Variants in SZT2 observed in about 807,000 individuals in gnomAD.
SZT2 encodes the protein SZT2 subunit of KICSTOR complex.
A neutral mutation model predicts 404.2 loss-of-function variants in SZT2; 216 were observed. That is an observed-to-expected ratio of 0.53 (90% CI 0.48 to 0.60). The LOEUF (loss-of-function observed/expected upper bound fraction) is 0.60, where lower values mean the gene tolerates loss of function less well. SZT2 is among the 20% of genes least tolerant of loss of function. The probability of loss-of-function intolerance (pLI) is 0.00; values close to 1 mark genes in which losing one functional copy is unlikely to be tolerated. For synonymous variants in SZT2, 1,693 were observed against 1,749.9 expected, an observed-to-expected ratio of 0.97 and a Z score of 0.81; for missense variants, 3,857 against 4,459.2, an observed-to-expected ratio of 0.86 and a Z score of 3.85.
rs1161800827 is a variant in SZT2, at chr1:43,441,754, G to A, written c.7678G>A (p.Glu2560Lys). 4 of 1,614,204 alleles carry A rather than the reference G, an allele frequency of 2.5e-6. No individual in the cohort carries two copies. Among genetic ancestry groups the A allele is most frequent in the Non-Finnish European group, 3.4e-6 (4 of 1,180,046 alleles). ...SRFLLPSILS[E>K]FTALVTSMAG... is the part of the protein sequence containing the mutation. ...GTTCCTCCTTCCATCCATCCTGTCTGAGTTCACCGCACTGGTCACCTCAAT... is the reference window on the plus strand; with the variant it reads ...GTTCCTCCTTCCATCCATCCTGTCTAAGTTCACCGCACTGGTCACCTCAAT... Residue 2560 changes from glutamate (E) to lysine (K), a missense_variant, in exon 55 of 72, where the codon GAG becomes AAG. This residue lies in a region of SZT2 where 573 missense variants were observed against 592.4 expected (regional missense o/e 0.97). Coordinates refer to ENST00000634258, the MANE Select transcript of SZT2 (RefSeq NM_001365999.1). The surrounding 1 kb of genome is among the most constrained non-coding windows in gnomAD (Gnocchi z 4.8).
Position 43,437,160 on chromosome 1 carries a change from C to A in SZT2, c.6035-11C>A. 1 of 1,613,988 alleles carries A rather than the reference C, an allele frequency of 6.2e-7. No homozygotes were observed. The highest frequency in any genetic ancestry group is 8.5e-7 in the Non-Finnish European group (1 of 1,179,930). ...GTGTCCCATTTCTAATCCCTGCTCC[C>A]CCTCACCCAGATTATGCTGCTGATG... On this transcript the variant is annotated splice_polypyrimidine_tract_variant and intron_variant, in intron 42 of 71. Transcript: ENST00000634258. The surrounding 1 kb of genome is among the most constrained non-coding windows in gnomAD (Gnocchi z 5.3).
intron 1 of SZT2, among the ~76,000 whole-genome samples, chr1:43,397,097 G>C (rs753310502): frequency 1.3e-5 from 2 of 152,158 alleles, no homozygotes; most frequent in Non-Finnish European, 2.9e-5. Context: ...AGAACACTTA[G>C]TATGTCTTGG....
intron 1 of SZT2, among the ~76,000 whole-genome samples, chr1:43,400,614 G>A (rs770075243): frequency 1.3e-5 from 2 of 152,204 alleles, no homozygotes; most frequent in Non-Finnish European, 2.9e-5. Flanking sequence ...GCTCACGCCT[G>A]TAATCCCAGC....
At position 43,453,297 on chromosome 1, in the gene SZT2, C is replaced by A. The variant is rs910061927; in HGVS notation, c.*2817C>A. The A allele has an allele frequency of 4.7e-6, 4 of 851,602 alleles. No individual in the cohort carries two copies. In the South Asian group the frequency reaches 5.1e-5, roughly 11 times the overall value. The allele number at this position is 851,602 out of a possible 1,614,324, so 52.8% of individuals were successfully genotyped here. A position where few individuals can be genotyped will look rare whatever the true frequency, so the allele number is the denominator to read the frequency against. On this transcript the variant is annotated 3_prime_UTR_variant, in exon 72 of 72. Coordinates refer to ENST00000634258, the MANE Select transcript of SZT2 (RefSeq NM_001365999.1). ...GAGATAAACCAGTGGGCTCAGACTTCTGAGCGTCTCAGATCTGGCGTCCTC... is the reference window on the plus strand; with the variant it reads ...GAGATAAACCAGTGGGCTCAGACTTATGAGCGTCTCAGATCTGGCGTCCTC...
At position 43,451,429 on chromosome 1, in the gene SZT2, G is replaced by A; in HGVS notation, c.*949G>A. On this transcript the variant is annotated 3_prime_UTR_variant, in exon 72 of 72. Coordinates refer to ENST00000634258, the MANE Select transcript of SZT2 (RefSeq NM_001365999.1). ...CCTCACCTCGAGGCTGATACTCACA[G>A]CCCACGAAGCCTTTGTAGCCTTCAT... 6.2e-7 allele frequency: 1 copy of A among 1,613,410 alleles called. No homozygotes were observed. The highest frequency in any genetic ancestry group is 8.5e-7 in the Non-Finnish European group (1 of 1,180,018).
chr1:43,397,107 G>A (rs1476277431), intron 1 of SZT2, among the ~76,000 whole-genome samples: 10 of 152,092 alleles, frequency 6.6e-5, no homozygotes, highest in Non-Finnish European at 1.3e-4. Flanking sequence ...GTATGTCTTG[G>A]CACTGTGCTA....
chr1:43,403,363 G>C, intron 2 of SZT2, 61 bp downstream of exon 2: 2 of 1,575,846 alleles, frequency 1.3e-6, no homozygotes, highest in Non-Finnish European at 1.7e-6. Context: ...TTTTTTAGGA[G>C]AGTGCTAGAA....
At position 43,439,997 on chromosome 1, in the gene SZT2, A is replaced by G. The variant is rs544913020; in HGVS notation, c.7159A>G (p.Ile2387Val). 2 of 1,614,178 alleles carry G rather than the reference A, an allele frequency of 1.2e-6. No individual in the cohort carries two copies. The highest frequency in any genetic ancestry group is 2.2e-5 in the East Asian group (1 of 44,890). Reference sequence around the variant, plus strand: ...TCGCCAGGCCCTGGCCGATGCCATCATCGAGCTTCAGCTGCTGCCAGCTTC... The same window carrying G: ...TCGCCAGGCCCTGGCCGATGCCATCGTCGAGCTTCAGCTGCTGCCAGCTTC... ...AARQALADAI[I>V]ELQLLPASLC... is the part of the protein sequence containing the mutation. Residue 2387 changes from isoleucine to valine, a missense_variant, in exon 51 of 72, where the codon ATC (isoleucine) becomes GTC (valine). This residue lies in a region of SZT2 where 573 missense variants were observed against 592.4 expected (regional missense o/e 0.97). Transcript: ENST00000634258. The surrounding 1 kb of genome is among the most constrained non-coding windows in gnomAD (Gnocchi z 4.2).
At position 43,437,161 on chromosome 1, in the gene SZT2, C is replaced by G; in HGVS notation, c.6035-10C>G. 6.2e-7 allele frequency: 1 copy of G among 1,614,014 alleles called. No homozygotes were observed. The highest frequency in any genetic ancestry group is 8.5e-7 in the Non-Finnish European group (1 of 1,179,956). ...TGTCCCATTTCTAATCCCTGCTCCCCCTCACCCAGATTATGCTGCTGATGA... is the reference window on the plus strand; with the variant it reads ...TGTCCCATTTCTAATCCCTGCTCCCGCTCACCCAGATTATGCTGCTGATGA... On this transcript the variant is annotated splice_polypyrimidine_tract_variant and intron_variant, in intron 42 of 71. Transcript: ENST00000634258. This position sits in a 1 kb window ranked among gnomAD's most constrained non-coding sequence, Gnocchi z 5.3.
Position 43,427,686 on chromosome 1 carries a change from A to G in SZT2, c.3755A>G (p.Gln1252Arg), listed in dbSNP as rs750743832. 5.6e-6 allele frequency: 9 copies of G among 1,614,022 alleles called. No homozygotes were observed. The South Asian group carries it at 9.9e-5, about 18-fold the overall frequency. Residue 1252 changes from glutamine (Q) to arginine (R), a missense_variant, in exon 26 of 72, where the codon CAA becomes CGA. Coordinates refer to ENST00000634258, the MANE Select transcript of SZT2 (RefSeq NM_001365999.1). Reference sequence around the variant, plus strand: ...TGTTCACTGGAAGCGCTGAGGGAACAAATGGTTGGCATGCAGCCCCCTCAG... The same window carrying G: ...TGTTCACTGGAAGCGCTGAGGGAACGAATGGTTGGCATGCAGCCCCCTCAG... ...YSCSLEALRE[Q>R]MVGMQPPQAP...
At position 43,426,643 on chromosome 1, in the gene SZT2, C is replaced by G. The variant is rs918565236; in HGVS notation, c.3215-72C>G. The G allele has an allele frequency of 1.1e-5, 17 of 1,518,710 alleles. No homozygotes were observed. Among genetic ancestry groups the G allele is most frequent in the African/African-American group, 6.9e-5 (5 of 72,498 alleles). The allele number at this position is 1,518,710 out of a possible 1,614,324, so 94.1% of individuals were successfully genotyped here. On this transcript the variant is annotated intron_variant, in intron 22 of 71. Transcript: ENST00000634258. The surrounding 1 kb of genome is among the most constrained non-coding windows in gnomAD (Gnocchi z 4.9). ...GAGTTTTGGCTTTCCCCTTCCTCCC[C>G]CTTTCTTCAACCCAGAGTCCCGCCT...
intron 1 of SZT2, among the ~76,000 whole-genome samples, chr1:43,392,414 CTT>C (rs1287158167): frequency 2.2e-4 from 29 of 133,196 alleles, no homozygotes; most frequent in Middle Eastern, 4.0e-3. Flanking sequence ...AAAAGTTAAG[CTT>C]TTTTTTTTTT....
chr1:43,437,905 A>G lies in SZT2; in HGVS notation c.6508+3A>G. 1 of 1,614,110 alleles carries G rather than the reference A, an allele frequency of 6.2e-7. No homozygotes were observed. The highest frequency in any genetic ancestry group is 2.2e-5 in the East Asian group (1 of 44,878). On this transcript the variant is annotated splice_donor_region_variant and intron_variant, in intron 46 of 71. Transcript: ENST00000634258. The surrounding 1 kb of genome is among the most constrained non-coding windows in gnomAD (Gnocchi z 5.3). ...GGTCCATGGTGTTGGGCAGGCAGGT[A>G]AGGTCTGAGGAGGGGGTAGGGGAGT...
chr1:43,403,593 AT>A lies in SZT2; in HGVS notation c.154-4del, dbSNP rs1308777301. ...ATCCTTTCCTTTTCTTTCCATCCTA[AT>A]TTTCAGCTTCAGTCTGAACAGGAAT... On this transcript the variant is annotated splice_region_variant and splice_polypyrimidine_tract_variant and intron_variant, in intron 2 of 71. Coordinates refer to ENST00000634258, the MANE Select transcript of SZT2 (RefSeq NM_001365999.1). The A allele has an allele frequency of 1.2e-6, 2 of 1,604,614 alleles. No individual in the cohort carries two copies. Among genetic ancestry groups the A allele is most frequent in the South Asian group, 2.2e-5 (2 of 90,942 alleles).
At position 43,453,693 on chromosome 1, in the gene SZT2, G is replaced by T. The variant is rs527849809; in HGVS notation, c.*3213G>T. 9.0e-6 allele frequency: 13 copies of T among 1,439,442 alleles called. No individual in the cohort carries two copies. The African/African-American group carries it at 1.9e-4, about 22-fold the overall frequency. 89.2% of individuals were successfully genotyped at this position (1,439,442 alleles called of 1,614,324 possible). A position where few individuals can be genotyped will look rare whatever the true frequency, so the allele number is the denominator to read the frequency against. ...CGCGTACGGCCAGGCCACCTCGACG[G>T]CCTCGAAGCCCGAGCTGCCCGCGGC... is the stretch of plus-strand genomic sequence containing the variant. On this transcript the variant is annotated 3_prime_UTR_variant, in exon 72 of 72. Coordinates refer to ENST00000634258, the MANE Select transcript of SZT2 (RefSeq NM_001365999.1).
Position 43,424,817 on chromosome 1 carries a change from C to T in SZT2, c.2505C>T (p.Cys835=), listed in dbSNP as rs1012221975. The part of the protein sequence containing the change: ...VRLSEGFHFA[C]SGEGIINMVL... The stretch of plus-strand genomic sequence containing the variant: ...TTTCTGAAGGATTCCACTTCGCCTG[C>T]AGTGGGGAAGGAATCATCAACATGG... The change falls in exon 17 of 72, where the codon TGC becomes TGT. Residue 835 remains cysteine, a synonymous_variant. Transcript: ENST00000634258. This position sits in a 1 kb window ranked among gnomAD's most constrained non-coding sequence, Gnocchi z 4.1. 6.2e-7 allele frequency: 1 copy of T among 1,614,052 alleles called. No homozygotes were observed. Among genetic ancestry groups the T allele is most frequent in the African/African-American group, 1.3e-5 (1 of 75,030 alleles).
chr1:43,397,202 C>T, intron 1 of SZT2, among the ~76,000 whole-genome samples: 1 of 151,950 alleles, frequency 6.6e-6, no homozygotes, highest in Middle Eastern at 3.2e-3. Context: ...GAGGCTGAGG[C>T]CAGTGGATCA....
chr1:43,411,225 T>TAC (rs1277415440), intron 4 of SZT2, among the ~76,000 whole-genome samples: 5 of 152,230 alleles, frequency 3.3e-5, no homozygotes, highest in African/African-American at 1.2e-4. Flanking sequence ...CACTTCTGTC[T>TAC]TCATGGAGGG....
At position 43,451,886 on chromosome 1, in the gene SZT2, A is replaced by G. The variant is rs749021925; in HGVS notation, c.*1406A>G. 2 of 1,613,912 alleles carry G rather than the reference A, an allele frequency of 1.2e-6. No individual in the cohort carries two copies. Among genetic ancestry groups the G allele is most frequent in the South Asian group, 2.2e-5 (2 of 91,080 alleles). The stretch of plus-strand genomic sequence containing the variant: ...CAGGGAGGGGACCGTGAGCCTCAAG[A>G]GCACAGGAATCAAAAGGGACAGAAG... On this transcript the variant is annotated 3_prime_UTR_variant, in exon 72 of 72. Coordinates refer to ENST00000634258, the MANE Select transcript of SZT2 (RefSeq NM_001365999.1).
Sources: gnomAD v4.1 joint callset for allele counts (sites outside exome capture counted in the v4.1 genomes callset) on GRCh38, gnomAD v4.1.1 for gene constraint, gnomAD v4.1.1 regional missense constraint, Gnocchi (gnomAD v3.1) non-coding constraint, MANE v1.5 for transcripts, NCBI Gene and HGNC (gene_info 2026-07-23, HGNC 2026-07-21) for gene names.